ZYX: variants seen among roughly 807,000 people sequenced by gnomAD.
The protein encoded by ZYX is zyxin-2.
Under a neutral mutation model 58.1 loss-of-function variants are expected in ZYX, and 37 were observed. The ratio of observed to expected loss-of-function variants is 0.64; its 90% CI spans 0.49 to 0.84. The LOEUF (loss-of-function observed/expected upper bound fraction) is 0.84, where lower values mean the gene tolerates loss of function less well. ZYX is among the 40% of genes least tolerant of loss of function. The probability of loss-of-function intolerance (pLI) is 0.00; values close to 1 mark genes in which losing one functional copy is unlikely to be tolerated. For missense variants in ZYX, 762 were observed against 761.6 expected, an observed-to-expected ratio of 1.00 and a Z score of -0.01; for synonymous variants, 324 against 321.1, an observed-to-expected ratio of 1.01 and a Z score of -0.10.
At position 143,390,054 on chromosome 7, in the gene ZYX, T is replaced by G. The variant is rs557143468; in HGVS notation, c.1614+77T>G. 1 of 1,580,474 alleles carries G rather than the reference T, an allele frequency of 6.3e-7. No homozygotes were observed. The highest frequency in any genetic ancestry group is 1.1e-5 in the South Asian group (1 of 87,802). On this transcript the variant is annotated intron_variant, in intron 9 of 9. Coordinates refer to ENST00000322764, the MANE Select transcript of ZYX (RefSeq NM_003461.5). The surrounding 1 kb of genome is among the most constrained non-coding windows in gnomAD (Gnocchi z 4.3). ...GAGATGCTGCTTACTAACTGGGAGG[T>G]GGAAAGCACCAGCATTCAGGAAACA...
chr7:143,386,314 C>T (rs1804865481), intron 5 of ZYX, among the ~76,000 whole-genome samples: 1 of 151,812 alleles, frequency 6.6e-6, no homozygotes, highest in South Asian at 2.1e-4. Context: ...AGAGTGGTTG[C>T]AGCGTGGATA....
At chr7:143,385,137 A>G (rs1023393726) in intron 5 of ZYX, among the ~76,000 whole-genome samples, 1 of 152,062 alleles carries the variant, frequency 6.6e-6, no homozygotes, top group Non-Finnish European at 1.5e-5. Context: ...TATTTGAGGG[A>G]GTGAGGACTC....
In ZYX at chr7:143,389,041, G is replaced by C. The variant is rs1454317821; in HGVS notation, c.1493+96G>C. 4 of 1,426,070 alleles carry C rather than the reference G, an allele frequency of 2.8e-6. No homozygotes were observed. The highest frequency in any genetic ancestry group is 3.8e-6 in the Non-Finnish European group (4 of 1,059,312). The allele number at this position is 1,426,070 out of a possible 1,614,324, so 88.3% of individuals were successfully genotyped here. On this transcript the variant is annotated intron_variant, in intron 8 of 9. Transcript: ENST00000322764. This position sits in a 1 kb window ranked among gnomAD's most constrained non-coding sequence, Gnocchi z 5.6. ...AGCCTCAGGACAGCCCCAAACCCCTGGTGGTGTTTTCTGGTCCCATGTCCT... is the reference window on the plus strand; with the variant it reads ...AGCCTCAGGACAGCCCCAAACCCCTCGTGGTGTTTTCTGGTCCCATGTCCT...
rs1416556595 is a variant in ZYX, at chr7:143,384,396, T to A, written c.1023+1074T>A. On this transcript the variant is annotated intron_variant, in intron 5 of 9. Coordinates refer to ENST00000322764, the MANE Select transcript of ZYX (RefSeq NM_003461.5). The surrounding 1 kb of genome is among the most constrained non-coding windows in gnomAD (Gnocchi z 4.9). ...TTCCTGTAGGAAAATGATAGAGCTA[T>A]ACTTGGAGAGGCAAGCGGGGCTGGA... Among the ~76,000 whole-genome samples, 1 of 152,110 alleles carries A rather than the reference T, an allele frequency of 6.6e-6. No individual in the cohort carries two copies. The highest frequency in any genetic ancestry group is 1.5e-5 in the Non-Finnish European group (1 of 68,014).
chr7:143,387,891 G>A lies in ZYX; in HGVS notation c.1024-328G>A, dbSNP rs577853906. ...GTTGATGCGTGGCCCTGGAGTGTCC[G>A]GTGCTTCAGTGACCCGAGCTGCTGT... On this transcript the variant is annotated intron_variant, in intron 5 of 9. Coordinates refer to ENST00000322764, the MANE Select transcript of ZYX (RefSeq NM_003461.5). The surrounding 1 kb of genome is among the most constrained non-coding windows in gnomAD (Gnocchi z 5.8). 8 of 502,180 alleles carry A rather than the reference G, an allele frequency of 1.6e-5. No individual in the cohort carries two copies. Among genetic ancestry groups the A allele is most frequent in the Middle Eastern group, 4.9e-4 (1 of 2,032 alleles). The allele number at this position is 502,180 out of a possible 1,614,324, so 31.1% of individuals were successfully genotyped here. A position where few individuals can be genotyped will look rare whatever the true frequency, so the allele number is the denominator to read the frequency against.
At chr7:143,385,660 C>CTTTTTTTTTT (rs59995035) in intron 5 of ZYX, among the ~76,000 whole-genome samples, 1,024 of 68,954 alleles carry the variant, frequency 0.015, 127 homozygotes, top group Middle Eastern at 0.031. Context: ...TGTGGTATAT[C>CTTTTTTTTTT]TTTTTTTTTT....
chr7:143,385,171 GA>G (rs1209855784), intron 5 of ZYX, among the ~76,000 whole-genome samples: 2 of 152,248 alleles, frequency 1.3e-5, no homozygotes, highest in East Asian at 3.9e-4. Context: ...AGACTGTTGG[GA>G]AATCATCAGC....
rs1227669045 is a variant in ZYX, at chr7:143,384,478, C to T, written c.1023+1156C>T. 6.6e-6 allele frequency among the ~76,000 whole-genome samples: 1 copy of T among 151,956 alleles called. No homozygotes were observed. Among genetic ancestry groups the T allele is most frequent in the Non-Finnish European group, 1.5e-5 (1 of 68,000 alleles). ...AGCTCTTGAGCACTGGAGAGGCATT[C>T]ATGATTTTTGAGTAGGTGTGGGGTG... On this transcript the variant is annotated intron_variant, in intron 5 of 9. Coordinates refer to ENST00000322764, the MANE Select transcript of ZYX (RefSeq NM_003461.5). This position sits in a 1 kb window ranked among gnomAD's most constrained non-coding sequence, Gnocchi z 4.9.
rs754700750 is a variant in ZYX, at chr7:143,387,824, G to A, written c.1024-395G>A. Reference sequence around the variant, plus strand: ...TGCGCGTGTGTGCACGCCATTGCGTGCCCCTGTCCCATGGGGGCGATGTCC... The same window carrying A: ...TGCGCGTGTGTGCACGCCATTGCGTACCCCTGTCCCATGGGGGCGATGTCC... On this transcript the variant is annotated intron_variant, in intron 5 of 9. Transcript: ENST00000322764. The surrounding 1 kb of genome is among the most constrained non-coding windows in gnomAD (Gnocchi z 5.8). 13 of 478,588 alleles carry A rather than the reference G, an allele frequency of 2.7e-5. 1 individual carries two copies. The highest frequency in any genetic ancestry group is 2.0e-4 in the South Asian group (13 of 64,632). 29.6% of individuals were successfully genotyped at this position (478,588 alleles called of 1,614,324 possible). A position where few individuals can be genotyped will look rare whatever the true frequency, so the allele number is the denominator to read the frequency against.
At chr7:143,383,500 G>T (rs1215149925) in intron 5 of ZYX, among the ~76,000 whole-genome samples, 178 bp downstream of exon 5, 2 of 152,142 alleles carry the variant, frequency 1.3e-5, no homozygotes, top group Non-Finnish European at 2.9e-5. Context: ...GTAGGAAAAT[G>T]CTCCTCTGGA....
chr7:143,390,755 C>T lies in ZYX; in HGVS notation c.*73C>T, dbSNP rs1805041565. 3.5e-6 allele frequency: 4 copies of T among 1,132,138 alleles called. No individual in the cohort carries two copies. The highest frequency in any genetic ancestry group is 5.2e-6 in the Non-Finnish European group (4 of 774,092). The allele number at this position is 1,132,138 out of a possible 1,614,324, so 70.1% of individuals were successfully genotyped here. A position where few individuals can be genotyped will look rare whatever the true frequency, so the allele number is the denominator to read the frequency against. On this transcript the variant is annotated 3_prime_UTR_variant, in exon 10 of 10. Coordinates refer to ENST00000322764, the MANE Select transcript of ZYX (RefSeq NM_003461.5). The surrounding 1 kb of genome is among the most constrained non-coding windows in gnomAD (Gnocchi z 4.3). ...CACCCACACTGAGACCACCTGCCCC[C>T]ACCTCAGTTATTGTTTTGATGTCTA...
In ZYX at chr7:143,389,083, G is replaced by T. The variant is rs1455388249; in HGVS notation, c.1493+138G>T. The T allele has an allele frequency of 2.1e-5, 21 of 1,021,400 alleles. No individual in the cohort carries two copies. Among genetic ancestry groups the T allele is most frequent in the Non-Finnish European group, 2.5e-5 (18 of 712,368 alleles). The allele number at this position is 1,021,400 out of a possible 1,614,324, so 63.3% of individuals were successfully genotyped here. On this transcript the variant is annotated intron_variant, in intron 8 of 9. Transcript: ENST00000322764. The surrounding 1 kb of genome is among the most constrained non-coding windows in gnomAD (Gnocchi z 5.6). ...CCATGTCCTGTCTGTAAACAGCAGG[G>T]ACCAAGTCATCGGGATGTAGCTGTC... is the stretch of plus-strand genomic sequence containing the variant.
In ZYX at chr7:143,383,094, G is replaced by A; in HGVS notation, c.795G>A (p.Lys265=). 6.2e-7 allele frequency: 1 copy of A among 1,614,188 alleles called. No homozygotes were observed. Among genetic ancestry groups the A allele is most frequent in the South Asian group, 1.1e-5 (1 of 91,088 alleles). The change falls in exon 5 of 10, where the codon AAG becomes AAA. Residue 265 remains lysine (K), a synonymous_variant. Coordinates refer to ENST00000322764, the MANE Select transcript of ZYX (RefSeq NM_003461.5). ...CCTCATCTCCGGCTCCAGCCCCTAA[G>A]TTTTCTCCAGTGACTCCTAAGTTTA... ...PPASSPAPAP[K]FSPVTPKFTP...
rs1805014357 is a variant in ZYX, at chr7:143,390,063, C to G, written c.1614+86C>G. On this transcript the variant is annotated intron_variant, in intron 9 of 9. Transcript: ENST00000322764. The surrounding 1 kb of genome is among the most constrained non-coding windows in gnomAD (Gnocchi z 4.3). ...CTTACTAACTGGGAGGTGGAAAGCA[C>G]CAGCATTCAGGAAACAGGGCTGTGA... 6.4e-7 allele frequency: 1 copy of G among 1,560,002 alleles called. No individual in the cohort carries two copies.
At chr7:143,382,475 A>T (rs771317282) in intron 3 of ZYX, 28 bp downstream of exon 3, 1 of 1,588,146 alleles carries the variant, frequency 6.3e-7, no homozygotes, top group Non-Finnish European at 8.6e-7. Context: ...GGGCGGCTGC[A>T]CTGGACACCC....
rs147362171 is a variant in ZYX, at chr7:143,389,896, C to G, written c.1533C>G (p.Ile511Met). The G allele has an allele frequency of 4.5e-5, 73 of 1,614,094 alleles. No individual in the cohort carries two copies. In the Middle Eastern group the frequency reaches 4.9e-4, roughly 11 times the overall value. The change falls in exon 9 of 10, where the codon ATC becomes ATG. Residue 511 changes from isoleucine to methionine, a missense_variant. Coordinates refer to ENST00000322764, the MANE Select transcript of ZYX (RefSeq NM_003461.5). This position sits in a 1 kb window ranked among gnomAD's most constrained non-coding sequence, Gnocchi z 5.6. ...GGTGCTCCGTCTGCTCTGAGCCCAT[C>G]ATGCCTGAGCCTGGCCGAGATGAGA... ...APRCSVCSEP[I>M]MPEPGRDETV...
chr7:143,389,893 C>T lies in ZYX; in HGVS notation c.1530C>T (p.Pro510=). Residue 510 remains proline, a synonymous_variant, in exon 9 of 10, where the codon CCC becomes CCT. Transcript: ENST00000322764. This position sits in a 1 kb window ranked among gnomAD's most constrained non-coding sequence, Gnocchi z 5.6. The stretch of plus-strand genomic sequence containing the variant: ...CGAGGTGCTCCGTCTGCTCTGAGCC[C>T]ATCATGCCTGAGCCTGGCCGAGATG... ...YAPRCSVCSE[P]IMPEPGRDET... 2 of 1,614,190 alleles carry T rather than the reference C, an allele frequency of 1.2e-6. No homozygotes were observed. The highest frequency in any genetic ancestry group is 2.2e-5 in the East Asian group (1 of 44,876).
In ZYX at chr7:143,385,707, C is replaced by T. The variant is rs558833192; in HGVS notation, c.1023+2385C>T. ...TTTTTGGAGACGGAGTGCAGGCTGT[C>T]GCCCATGCTTACTACAACCTCCGCC... On this transcript the variant is annotated intron_variant, in intron 5 of 9. Coordinates refer to ENST00000322764, the MANE Select transcript of ZYX (RefSeq NM_003461.5). 4.2e-4 allele frequency among the ~76,000 whole-genome samples: 48 copies of T among 113,802 alleles called. 1 individual carries two copies. The highest frequency in any genetic ancestry group is 1.4e-3 in the African/African-American group (41 of 29,300). 74.7% of individuals were successfully genotyped at this position (113,802 alleles called of 152,430 possible). A position where few individuals can be genotyped will look rare whatever the true frequency, so the allele number is the denominator to read the frequency against.
rs763415374 is a variant in ZYX, at chr7:143,387,654, C to T, written c.1024-565C>T. 1.3e-4 allele frequency: 61 copies of T among 469,070 alleles called. No individual in the cohort carries two copies. Among genetic ancestry groups the T allele is most frequent in the Non-Finnish European group, 2.1e-4 (48 of 225,750 alleles). 29.1% of individuals were successfully genotyped at this position (469,070 alleles called of 1,614,324 possible). A position where few individuals can be genotyped will look rare whatever the true frequency, so the allele number is the denominator to read the frequency against. ...CCTGAGTGAGGTAGTTCAGAGGCCC[C>T]TCACTCGAGGGACAGGGTCTCTGTG... On this transcript the variant is annotated intron_variant, in intron 5 of 9. Coordinates refer to ENST00000322764, the MANE Select transcript of ZYX (RefSeq NM_003461.5). The surrounding 1 kb of genome is among the most constrained non-coding windows in gnomAD (Gnocchi z 5.8).
Sources: gnomAD v4.1 joint callset for allele counts (sites outside exome capture counted in the v4.1 genomes callset) on GRCh38, gnomAD v4.1.1 for gene constraint, Gnocchi (gnomAD v3.1) non-coding constraint, MANE v1.5 for transcripts, NCBI Gene and HGNC (gene_info 2026-07-23, HGNC 2026-07-21) for gene names.